The following LRRC49 variants were observed in gnomAD, a reference collection of about 807,000 sequenced individuals.
The protein encoded by LRRC49 is leucine-rich repeat-containing protein 49.
In LRRC49, 50 loss-of-function variants were observed where a neutral mutation model predicts 83.3. The ratio of observed to expected loss-of-function variants is 0.60; its 90% CI spans 0.48 to 0.76. LRRC49 has a LOEUF of 0.76. Among genes scored for constraint, LRRC49 ranks in the 30% least tolerant of loss-of-function variants. LRRC49 has a pLI of 0.00. For missense variants in LRRC49, 704 were observed against 809.1 expected (o/e 0.87, Z 1.58); for synonymous variants, 286 against 283.3 (o/e 1.01, Z -0.10).
intron 11 of LRRC49, among the ~76,000 whole-genome samples, chr15:70,987,962 A>C (rs1012127391): frequency 1.4e-4 from 22 of 152,126 alleles, no homozygotes; most frequent in Non-Finnish European, 2.9e-4. Flanking sequence ...GAGTTTCTTC[A>C]TCCTGAGTTC....
At chr15:70,975,100 A>C (rs1405951628) in intron 9 of LRRC49, among the ~76,000 whole-genome samples, 3 of 152,240 alleles carry the variant, frequency 2.0e-5, no homozygotes, top group African/African-American at 7.2e-5. Context: ...CAATGGAGAC[A>C]GTCCCATCCC....
At chr15:71,030,458 T>C (rs1226025087) in intron 14 of LRRC49, among the ~76,000 whole-genome samples, 2 of 152,192 alleles carry the variant, frequency 1.3e-5, no homozygotes, top group East Asian at 1.9e-4. Flanking sequence ...ATTTTTTCCT[T>C]TGTTTCAACC....
At chr15:70,875,829 G>A (rs920278858) in intron 2 of LRRC49, among the ~76,000 whole-genome samples, 5 of 152,212 alleles carry the variant, frequency 3.3e-5, no homozygotes, top group African/African-American at 1.2e-4. Flanking sequence ...GGTGAAAGAA[G>A]CATCCAGGCT....
chr15:70,866,230 C>T (rs947089564), intron 1 of LRRC49, among the ~76,000 whole-genome samples: 5 of 152,002 alleles, frequency 3.3e-5, no homozygotes, highest in Admixed American at 6.6e-5. Flanking sequence ...TCACTGCAAC[C>T]TCTGCCTCCG....
At chr15:70,896,137 T>C (rs1387171483) in intron 3 of LRRC49, among the ~76,000 whole-genome samples, 1 of 152,112 alleles carries the variant, frequency 6.6e-6, no homozygotes, top group African/African-American at 2.4e-5. Context: ...AGAAAAAAGC[T>C]GTTATTATTT....
rs757145042 is a variant in LRRC49 at position 70,904,731 on chromosome 15, G to C, written c.476G>C (p.Arg159Pro). 1 of 1,612,860 alleles carries C rather than the reference G, an allele frequency of 6.2e-7. No homozygotes were observed. The change falls in exon 5 of 16, where the codon CGT becomes CCT. Residue 159 changes from arginine (R) to proline (P), a missense_variant. Transcript: ENST00000260382. ...ISGLSTLRCL[R>P]VLLLGKNRIK... ...GGGCTTTCGACTCTGAGATGTCTTC[G>C]TGTCCTTCTGTTGGGGAAAAACAGG...
At position 70,892,840 on chromosome 15, in the gene LRRC49, G is replaced by T; in HGVS notation, c.-55G>T. 1 of 1,614,084 alleles carries T rather than the reference G, an allele frequency of 6.2e-7. No homozygotes were observed. Among genetic ancestry groups the T allele is most frequent in the Non-Finnish European group, 8.5e-7 (1 of 1,179,994 alleles). On this transcript the variant is annotated 5_prime_UTR_variant, in exon 1 of 16. Transcript: ENST00000260382. ...CTCTTTCGGGTCTCTTTGAATCTCC[G>T]CTGTAGCGTCACCTGGAAGGCAGAT...
At chr15:71,049,360 T>C (rs770118236) in intron 15 of LRRC49, 49 bp from the exon 16 acceptor site, 1 of 1,254,040 alleles carries the variant, frequency 8.0e-7, no homozygotes, top group Non-Finnish European at 1.1e-6. Flanking sequence ...TTGCTTTGAC[T>C]TTTGGATTAG....
intron 1 of LRRC49, chr15:70,858,906 G>T: frequency 2.6e-6 from 2 of 769,878 alleles, no homozygotes; most frequent in South Asian, 1.4e-5. Context: ...AGGCATCACC[G>T]CTGTCACGGT....
chr15:70,972,033 A>G (rs778030599), intron 9 of LRRC49, among the ~76,000 whole-genome samples: 6 of 152,100 alleles, frequency 3.9e-5, no homozygotes, highest in Non-Finnish European at 5.9e-5. Flanking sequence ...TTATGATGCT[A>G]GCTGGTGTTT....
chr15:71,049,975 A>T lies in LRRC49; in HGVS notation c.*363A>T, dbSNP rs2039970350. 6.0e-6 allele frequency: 1 copy of T among 166,528 alleles called. No homozygotes were observed. The highest frequency in any genetic ancestry group is 6.3e-5 in the Admixed American group (1 of 15,804). 10.3% of individuals were successfully genotyped at this position (166,528 alleles called of 1,614,324 possible). A position where few individuals can be genotyped will look rare whatever the true frequency, so the allele number is the denominator to read the frequency against. ...TGCATCTACCTACTTTTAGCTGATA[A>T]TTTTCAGTTATTTCCCTTTTTATTT... On this transcript the variant is annotated 3_prime_UTR_variant, in exon 16 of 16. Coordinates refer to ENST00000260382, the MANE Select transcript of LRRC49 (RefSeq NM_017691.5).
intron 2 of LRRC49, among the ~76,000 whole-genome samples, chr15:70,880,850 G>T (rs373164447): frequency 1.3e-5 from 2 of 152,308 alleles, no homozygotes; most frequent in South Asian, 4.1e-4. Flanking sequence ...AAGGAGATAG[G>T]CTATTTCAAA....
intron 7 of LRRC49, among the ~76,000 whole-genome samples, chr15:70,919,640 AGCATTGCACAGG>A (rs1271919344): frequency 6.6e-6 from 1 of 152,190 alleles, no homozygotes; most frequent in East Asian, 1.9e-4. Flanking sequence ...TGGTGGGAAA[AGCATTGCACAGG>A]GCATCAGAGG....
chr15:70,905,376 T>A (rs1294725491), intron 5 of LRRC49, among the ~76,000 whole-genome samples: 1 of 152,190 alleles, frequency 6.6e-6, no homozygotes, highest in Non-Finnish European at 1.5e-5. Flanking sequence ...GATTTTTATA[T>A]TATCAAATGA....
chr15:70,864,662 C>T (rs1038528655), intron 1 of LRRC49, among the ~76,000 whole-genome samples: 1 of 152,198 alleles, frequency 6.6e-6, no homozygotes, highest in African/African-American at 2.4e-5. Flanking sequence ...TCTAATCTTT[C>T]AGGTTTTAGC....
At chr15:70,920,582 T>C (rs1376635369) in intron 7 of LRRC49, among the ~76,000 whole-genome samples, 8 of 152,208 alleles carry the variant, frequency 5.3e-5, no homozygotes, top group Admixed American at 2.6e-4. Flanking sequence ...CAGGAATCTA[T>C]TGGCCCTAGC....
At chr15:70,903,019 C>T (rs1285571546) in intron 4 of LRRC49, among the ~76,000 whole-genome samples, 3 of 151,986 alleles carry the variant, frequency 2.0e-5, no homozygotes, top group Admixed American at 1.3e-4. Context: ...TTTCAATCTA[C>T]GGTAGTTTAG....
At chr15:70,870,944 A>AATTTTTTTT (rs1200309597) in intron 1 of LRRC49, among the ~76,000 whole-genome samples, 1 of 33,236 alleles carries the variant, frequency 3.0e-5, no homozygotes, top group African/African-American at 7.6e-5. Context: ...TGCCATGCTT[A>AATTTTTTTT]GTTTTTTTTT....
At chr15:70,865,884 T>C (rs1369473392) in intron 1 of LRRC49, among the ~76,000 whole-genome samples, 2 of 152,160 alleles carry the variant, frequency 1.3e-5, no homozygotes, top group African/African-American at 4.8e-5. Context: ...TTGCAAGGCA[T>C]AGAGTGAAAC....
Sources: allele counts gnomAD v4.1 joint callset (sites outside exome capture counted in the v4.1 genomes callset), GRCh38; gene constraint gnomAD v4.1.1; transcripts MANE v1.5; gene names NCBI Gene and HGNC (gene_info 2026-07-23, HGNC 2026-07-21).